The following SECISBP2 variants were observed in gnomAD, a reference collection of about 807,000 sequenced individuals.
SECISBP2 encodes SECIS binding protein 2.
SECISBP2 carries 96 observed loss-of-function variants against 98.2 expected under a neutral mutation model. The observed-to-expected ratio is 0.98, with a 90% CI of 0.83 to 1.16. The LOEUF (loss-of-function observed/expected upper bound fraction) is 1.16, where lower values mean the gene tolerates loss of function less well. Among genes scored for constraint, SECISBP2 ranks in the 50% most tolerant of loss-of-function variants. The probability of loss-of-function intolerance (pLI) is 0.00; values close to 1 mark genes in which losing one functional copy is unlikely to be tolerated. For missense variants in SECISBP2, 1,046 were observed against 1,022.9 expected, an observed-to-expected ratio of 1.02 and a Z score of -0.31; for synonymous variants, 407 against 370.2, an observed-to-expected ratio of 1.10 and a Z score of -1.14.
In SECISBP2 at chr9:89,334,653, A is replaced by G. The variant is rs1828324666; in HGVS notation, c.1012A>G (p.Ser338Gly). 1 of 1,614,124 alleles carries G rather than the reference A, an allele frequency of 6.2e-7. No individual in the cohort carries two copies. Among genetic ancestry groups the G allele is most frequent in the Non-Finnish European group, 8.5e-7 (1 of 1,179,942 alleles). Residue 338 changes from serine to glycine, a missense_variant, in exon 7 of 17, where the codon AGT becomes GGT. Coordinates refer to ENST00000375807, the MANE Select transcript of SECISBP2 (RefSeq NM_024077.5). The part of the protein sequence containing the change: ...IASSADPKNV[S>G]IPSSEALSSD... ...TTCATCAGCAGATCCTAAAAATGTT[A>G]GTATACCATCTTCTGAAGCTTTATC...
chr9:89,337,281 T>A (rs1347636016), intron 7 of SECISBP2, among the ~76,000 whole-genome samples: 1 of 152,280 alleles, frequency 6.6e-6, no homozygotes, highest in Non-Finnish European at 1.5e-5. Context: ...TGTTATCTTC[T>A]AACCCAAATA....
chr9:89,322,469 G>A (rs1033913690), intron 2 of SECISBP2: 5 of 152,238 alleles, frequency 3.3e-5, no homozygotes, highest in Admixed American at 3.3e-4. Context: ...GCAGGCAGAT[G>A]TAATGTTATT....
chr9:89,334,178 C>G (rs1260430159), intron 6 of SECISBP2: 1 of 1,176,946 alleles, frequency 8.5e-7, no homozygotes, highest in East Asian at 6.0e-5. Flanking sequence ...AAAATTTGAT[C>G]TTTAGTTCGT....
At chr9:89,366,383 T>TA in the SECISBP2 span, among the ~76,000 whole-genome samples, 4 of 152,354 alleles carry the variant, frequency 2.6e-5, no homozygotes, top group South Asian at 6.2e-4. Flanking sequence ...ATAAAAGTGT[T>TA]ACTTTGAAGG....
At chr9:89,354,675 C>G (rs1831794097) in intron 14 of SECISBP2, 1 of 597,886 alleles carries the variant, frequency 1.7e-6, no homozygotes, top group South Asian at 7.4e-5. Context: ...CTCCCAAAAT[C>G]CAAGTTCACA....
chr9:89,349,899 T>G lies in SECISBP2; in HGVS notation c.1862T>G (p.Phe621Cys). The change falls in exon 13 of 17, where the codon TTC (phenylalanine) becomes TGC (cysteine). Residue 621 changes from phenylalanine (F) to cysteine (C), a missense_variant. Physicochemically the swap from Phe to Cys is radical, Grantham distance 205. Transcript: ENST00000375807. Reference sequence around the variant, plus strand: ...CACCTTGCTCCCAATCACACCACCTTCCCTAAGATCCACAGCCGCAGATTC... The same window carrying G: ...CACCTTGCTCCCAATCACACCACCTGCCCTAAGATCCACAGCCGCAGATTC... ...ASHLAPNHTT[F>C]PKIHSRRFRD... 6.2e-7 allele frequency: 1 copy of G among 1,614,148 alleles called. No homozygotes were observed. The highest frequency in any genetic ancestry group is 1.1e-5 in the South Asian group (1 of 91,082).
chr9:89,353,746 A>G (rs1432554096), intron 14 of SECISBP2, among the ~76,000 whole-genome samples: 1 of 152,246 alleles, frequency 6.6e-6, no homozygotes, highest in East Asian at 1.9e-4. Flanking sequence ...GTATGCCCTT[A>G]GCCTGCAGTC....
At position 89,348,178 on chromosome 9, in the gene SECISBP2, G is replaced by A; in HGVS notation, c.1702G>A (p.Gly568Ser). ...SDDTQDGESG[G>S]DDQFPEQAEL... ...TGACACACAAGATGGAGAGAGTGGTGGTGATGACCAGTTTCCCGAGCAGGC... is the reference window on the plus strand; with the variant it reads ...TGACACACAAGATGGAGAGAGTGGTAGTGATGACCAGTTTCCCGAGCAGGC... Residue 568 changes from glycine to serine, a missense_variant, in exon 12 of 17, where the codon GGT becomes AGT. Transcript: ENST00000375807. 6.2e-7 allele frequency: 1 copy of A among 1,614,174 alleles called. No homozygotes were observed. Among genetic ancestry groups the A allele is most frequent in the South Asian group, 1.1e-5 (1 of 91,082 alleles).
At chr9:89,366,675 C>G in the SECISBP2 span, among the ~76,000 whole-genome samples, 1,144 of 152,332 alleles carry the variant, frequency 7.5e-3, 12 homozygotes, top group African/African-American at 0.021. Context: ...TGCCCATCAA[C>G]TGGGGAATAG....
At chr9:89,347,847 A>G (rs1830657257) in intron 11 of SECISBP2, among the ~76,000 whole-genome samples, 1 of 152,120 alleles carries the variant, frequency 6.6e-6, no homozygotes, top group African/African-American at 2.4e-5. Flanking sequence ...TTGTCTTTAG[A>G]GCTCAGGGCT....
At position 89,318,522 on chromosome 9, in the gene SECISBP2, A is replaced by C. The variant is rs1825081375; in HGVS notation, c.-55A>C. On this transcript the variant is annotated 5_prime_UTR_variant, in exon 1 of 17. Coordinates refer to ENST00000375807, the MANE Select transcript of SECISBP2 (RefSeq NM_024077.5). ...GGCGGAAACGCTTTGTCTGTCCGGCAAGCCGACGGCCCGCTGCTGGCCTCC... is the reference window on the plus strand; with the variant it reads ...GGCGGAAACGCTTTGTCTGTCCGGCCAGCCGACGGCCCGCTGCTGGCCTCC... 1 of 1,508,808 alleles carries C rather than the reference A, an allele frequency of 6.6e-7. No individual in the cohort carries two copies. The highest frequency in any genetic ancestry group is 1.4e-5 in the African/African-American group (1 of 69,838). 93.5% of individuals were successfully genotyped at this position (1,508,808 alleles called of 1,614,324 possible).
At chr9:89,362,482 G>T, downstream of SECISBP2, 3 of 1,613,904 alleles carry the variant, frequency 1.9e-6, no homozygotes, top group Non-Finnish European at 2.5e-6. Flanking sequence ...GGCCTTTCCT[G>T]CTCTGCAGCC....
At chr9:89,354,602 C>T (rs1048893832) in intron 14 of SECISBP2, among the ~76,000 whole-genome samples, 1 of 152,144 alleles carries the variant, frequency 6.6e-6, no homozygotes, top group African/African-American at 2.4e-5. Flanking sequence ...CAGCAGAAAC[C>T]ACAGTGTTTG....
intron 10 of SECISBP2, 41 bp downstream of exon 10, chr9:89,341,520 T>C (rs781775220): frequency 6.2e-7 from 1 of 1,609,678 alleles, no homozygotes; most frequent in East Asian, 2.2e-5. Flanking sequence ...ATTGGAAGTC[T>C]TTTTCAGCTA....
chr9:89,355,590 CAAA>C, intron 14 of SECISBP2: 2 of 735,404 alleles, frequency 2.7e-6, no homozygotes, highest in Non-Finnish European at 3.3e-6. Context: ...GTTTCTCCAC[CAAA>C]AAAAAAAATT....
At chr9:89,329,034 A>G in intron 5 of SECISBP2, 148 bp downstream of exon 5, 1 of 662,400 alleles carries the variant, frequency 1.5e-6, no homozygotes, top group Non-Finnish European at 2.6e-6. Context: ...TTGTGCACTT[A>G]TATGACCTTC....
chr9:89,362,963 C>T (rs990963492), downstream of SECISBP2, among the ~76,000 whole-genome samples: 1 of 152,196 alleles, frequency 6.6e-6, no homozygotes, highest in African/African-American at 2.4e-5. Flanking sequence ...CATGCTGTAG[C>T]CCAGTTCCTG....
intron 10 of SECISBP2, among the ~76,000 whole-genome samples, chr9:89,346,518 C>G (rs1281867489): frequency 3.3e-5 from 5 of 150,696 alleles, no homozygotes; most frequent in Admixed American, 2.6e-4. Flanking sequence ...TTCACAGTAG[C>G]AGCAGTGAGT....
chr9:89,347,156 T>C, intron 11 of SECISBP2, 108 bp downstream of exon 11: 2 of 1,133,808 alleles, frequency 1.8e-6, no homozygotes, highest in African/African-American at 1.5e-5. Flanking sequence ...TTGTATTACT[T>C]GAATATGTTG....
Sources: gnomAD v4.1 joint callset for allele counts (sites outside exome capture counted in the v4.1 genomes callset) on GRCh38, gnomAD v4.1.1 for gene constraint, MANE v1.5 for transcripts, NCBI Gene and HGNC (gene_info 2026-07-23, HGNC 2026-07-21) for gene names.